TYROBP: variants seen among roughly 807,000 people sequenced by gnomAD.
The protein encoded by TYROBP is transmembrane immune signaling adaptor TYROBP, also known as TYRO protein tyrosine kinase-binding protein.
TYROBP carries 14 observed loss-of-function variants against 17.1 expected under a neutral mutation model. That is an observed-to-expected ratio of 0.82 (90% CI 0.54 to 1.28). The LOEUF (loss-of-function observed/expected upper bound fraction) is 1.28. Ranked by LOEUF, TYROBP falls within the 50% of genes most tolerant of loss-of-function variation. The pLI is 0.00. For synonymous variants in TYROBP, 73 were observed against 67.4 expected, an observed-to-expected ratio of 1.08 and a Z score of -0.41; for missense variants, 161 against 151.4, an observed-to-expected ratio of 1.06 and a Z score of -0.33.
intron 4 of TYROBP, 51 bp from the exon 5 acceptor site, chr19:35,904,685 C>T (rs749733504): frequency 4.4e-6 from 7 of 1,575,634 alleles, no homozygotes; most frequent in Admixed American, 1.8e-5. Flanking sequence ...TAAAATCCAG[C>T]CTTCTCCCAG....
chr19:35,907,796 G>T (rs1205227728), intron 1 of TYROBP, 34 bp from the exon 2 acceptor site: 1 of 1,612,462 alleles, frequency 6.2e-7, no homozygotes, highest in South Asian at 1.1e-5. Context: ...CTGAGGCACA[G>T]AGTTATGACG....
intron 3 of TYROBP, 81 bp downstream of exon 3, chr19:35,907,365 T>C (rs1975750552): frequency 1.2e-6 from 2 of 1,606,148 alleles, no homozygotes; most frequent in Admixed American, 1.7e-5. Flanking sequence ...TCCCTTTGGA[T>C]GTTTGAGATC....
At chr19:35,907,007 G>C (rs567874253) in intron 4 of TYROBP, among the ~76,000 whole-genome samples, 3 of 152,092 alleles carry the variant, frequency 2.0e-5, no homozygotes, top group Admixed American at 1.3e-4. Flanking sequence ...TTGAGTCACC[G>C]TGCCCAGCCC....
chr19:35,908,221 C>A lies in TYROBP; in HGVS notation c.8G>T (p.Gly3Val), dbSNP rs757194021. The part of the protein sequence containing the change: MG[G>V]LEPCSRLLLL... Reference sequence around the variant, plus strand: ...CAGGAGCCTGCTGCAGGGTTCAAGTCCCCCCATGAAGCCGGATGCTGCTGG... The same window carrying A: ...CAGGAGCCTGCTGCAGGGTTCAAGTACCCCCATGAAGCCGGATGCTGCTGG... Residue 3 changes from glycine (G) to valine (V), a missense_variant, in exon 1 of 5, where the codon GGA becomes GTA. Transcript: ENST00000262629. 3.7e-6 allele frequency: 6 copies of A among 1,613,734 alleles called. No homozygotes were observed. The highest frequency in any genetic ancestry group is 4.5e-5 in the East Asian group (2 of 44,872).
chr19:35,904,708 C>A (rs535324953), intron 4 of TYROBP, 74 bp from the exon 5 acceptor site: 2 of 1,392,270 alleles, frequency 1.4e-6, no homozygotes, highest in South Asian at 1.2e-5. Context: ...GCCTGCAAGG[C>A]CCCTGGCAGC....
chr19:35,908,244 T>C lies in TYROBP; in HGVS notation c.-16A>G, dbSNP rs754719552. ...GTCCCCCCATGAAGCCGGATGCTGC[T>C]GGACACCACAGTGTAAGGGCCGGTG... On this transcript the variant is annotated 5_prime_UTR_variant, in exon 1 of 5. Transcript: ENST00000262629. 1 of 1,612,896 alleles carries C rather than the reference T, an allele frequency of 6.2e-7. No individual in the cohort carries two copies. Among genetic ancestry groups the C allele is most frequent in the Non-Finnish European group, 8.5e-7 (1 of 1,179,094 alleles).
intron 4 of TYROBP, among the ~76,000 whole-genome samples, chr19:35,905,952 C>CAA (rs56359507): frequency 0.068 from 6,962 of 102,128 alleles, 587 homozygotes; most frequent in African/African-American, 0.21. Context: ...GACTCCATCT[C>CAA]AAAAAAAAAA....
chr19:35,907,832 C>T, intron 1 of TYROBP, 70 bp from the exon 2 acceptor site: 1 of 1,547,246 alleles, frequency 6.5e-7, no homozygotes, highest in South Asian at 1.1e-5. Flanking sequence ...AGTTTAGAAG[C>T]CAGGGAAGGT....
At chr19:35,907,138 C>G (rs1411677200) in intron 4 of TYROBP, 80 bp downstream of exon 4, 6 of 1,425,674 alleles carry the variant, frequency 4.2e-6, no homozygotes. Context: ...TTTGAGGTCC[C>G]TCTGATGGCA....
Position 35,907,560 on chromosome 19 carries a change from T to G in TYROBP, c.115A>C (p.Ser39Arg). The change falls in exon 3 of 5, where the codon AGC (serine) becomes CGC (arginine). Residue 39 changes from serine to arginine, a missense_variant. Physicochemically the swap from Ser to Arg is moderately radical, Grantham distance 110. Transcript: ENST00000262629. ...AQSDCSCSTV[S>R]PGVLAGIVMG... ...ACGATCCCTGCCAGCACGCCCGGGC[T>G]CACCGTAGAGCAACTGCAATCTGCA... The G allele has an allele frequency of 6.2e-7, 1 of 1,614,006 alleles. No individual in the cohort carries two copies. Among genetic ancestry groups the G allele is most frequent in the Non-Finnish European group, 8.5e-7 (1 of 1,180,004 alleles).
At chr19:35,905,949 T>C (rs1274054254) in intron 4 of TYROBP, among the ~76,000 whole-genome samples, 2 of 128,038 alleles carry the variant, frequency 1.6e-5, no homozygotes, top group Admixed American at 7.6e-5. Context: ...TGAGACTCCA[T>C]CTCAAAAAAA....
intron 4 of TYROBP, among the ~76,000 whole-genome samples, chr19:35,905,613 G>A (rs1429231244): frequency 4.0e-5 from 6 of 150,442 alleles, no homozygotes; most frequent in Admixed American, 4.0e-4. Context: ...AGGAGTTTGA[G>A]ACCAGCCTGG....
At position 35,907,734 on chromosome 19, in the gene TYROBP, C is replaced by G; in HGVS notation, c.90G>C (p.Gln30His). Residue 30 changes from glutamine (Q) to histidine (H), a missense_variant, in exon 2 of 5, where the codon CAG (glutamine) becomes CAC (histidine). By Grantham distance (24) the Gln-to-His change is conservative. Transcript: ENST00000262629. ...GACTGCTGGGTCTAGGCCTACCGCT[C>G]TGGGCCTGGGCCTGGACAGGACGGA... The part of the protein sequence containing the change: ...SGLRPVQAQA[Q>H]SDCSCSTVSP... The G allele has an allele frequency of 6.2e-7, 1 of 1,613,978 alleles. No homozygotes were observed. The highest frequency in any genetic ancestry group is 8.5e-7 in the Non-Finnish European group (1 of 1,180,004).
chr19:35,907,102 T>G, intron 4 of TYROBP, 116 bp downstream of exon 4: 2 of 1,018,494 alleles, frequency 2.0e-6, no homozygotes, highest in South Asian at 1.4e-5. Context: ...GCCTTCAAGG[T>G]TTGGGGGTGC....
chr19:35,907,955 GGCAACACACT>G (rs1376167776), intron 1 of TYROBP, among the ~76,000 whole-genome samples, 193 bp from the exon 2 acceptor site: 2 of 152,116 alleles, frequency 1.3e-5, no homozygotes, highest in Non-Finnish European at 2.9e-5. Flanking sequence ...CTTGTCCTGT[GGCAACACACT>G]TAGATGTCTC....
chr19:35,905,729 C>T (rs973434732), intron 4 of TYROBP, among the ~76,000 whole-genome samples: 6 of 151,188 alleles, frequency 4.0e-5, no homozygotes, highest in Non-Finnish European at 8.8e-5. Flanking sequence ...GAAAGGTGGG[C>T]GGATCACGAG....
chr19:35,906,106 G>C (rs1975716846), intron 4 of TYROBP, among the ~76,000 whole-genome samples: 1 of 150,308 alleles, frequency 6.7e-6, no homozygotes, highest in African/African-American at 2.5e-5. Context: ...GGGCAACATA[G>C]TGAGACCCCT....
chr19:35,904,540 A>G lies in TYROBP; in HGVS notation c.*29T>C. 2 of 1,611,232 alleles carry G rather than the reference A, an allele frequency of 1.2e-6. No homozygotes were observed. Among genetic ancestry groups the G allele is most frequent in the South Asian group, 1.1e-5 (1 of 90,580 alleles). On this transcript the variant is annotated 3_prime_UTR_variant, in exon 5 of 5. Transcript: ENST00000262629. ...GCTTCAGGAATGGCTGGATCCAGGTATCATGTTGCTGACTGTCATGATTCG... is the reference window on the plus strand; with the variant it reads ...GCTTCAGGAATGGCTGGATCCAGGTGTCATGTTGCTGACTGTCATGATTCG...
chr19:35,907,362 G>A, intron 3 of TYROBP, 84 bp downstream of exon 3: 1 of 1,605,652 alleles, frequency 6.2e-7, no homozygotes. Flanking sequence ...CCATCCCTTT[G>A]GATGTTTGAG....
Sources: allele counts gnomAD v4.1 joint callset (sites outside exome capture counted in the v4.1 genomes callset), GRCh38; gene constraint gnomAD v4.1.1; transcripts MANE v1.5; gene names NCBI Gene and HGNC (gene_info 2026-07-23, HGNC 2026-07-21).